The following AGBL4 variants were observed in gnomAD, a reference collection of about 807,000 sequenced individuals.
AGBL4 encodes the protein AGBL carboxypeptidase 4, also known as cytosolic carboxypeptidase 6.
A neutral mutation model predicts 66.4 loss-of-function variants in AGBL4; 58 were observed. The ratio of observed to expected loss-of-function variants is 0.87; its 90% CI spans 0.71 to 1.09. The LOEUF (loss-of-function observed/expected upper bound fraction) is 1.09. Ranked by LOEUF, AGBL4 falls within the 50% of genes least tolerant of loss-of-function variation. AGBL4 has a pLI of 0.00. For synonymous variants in AGBL4, 234 were observed against 222.9 expected (o/e 1.05, Z -0.44); for missense variants, 579 against 631.0 (o/e 0.92, Z 0.88).
intron 5 of AGBL4, among the ~76,000 whole-genome samples, chr1:48,932,676 T>C (rs1655127975): frequency 6.6e-6 from 1 of 152,188 alleles, no homozygotes; most frequent in African/African-American, 2.4e-5. Context: ...GGGCCAATCA[T>C]GGCATAGAGT....
At chr1:49,611,274 A>G (rs527390088) in intron 3 of AGBL4, among the ~76,000 whole-genome samples, 4 of 152,322 alleles carry the variant, frequency 2.6e-5, no homozygotes, top group Admixed American at 6.5e-5. Flanking sequence ...TGGGGCACTA[A>G]GCAAGGTGGA....
At chr1:49,935,606 C>A (rs1273932860) in intron 1 of AGBL4, among the ~76,000 whole-genome samples, 1 of 152,170 alleles carries the variant, frequency 6.6e-6, no homozygotes, top group Non-Finnish European at 1.5e-5. Context: ...CAGACTGACA[C>A]CTCACATGGC....
chr1:49,234,707 G>C (rs750903785), intron 4 of AGBL4, among the ~76,000 whole-genome samples: 2 of 152,064 alleles, frequency 1.3e-5, no homozygotes, highest in South Asian at 2.1e-4. Context: ...TAACCAATTT[G>C]TCTTGATTTT....
At chr1:48,564,610 C>T (rs1207259846) in intron 11 of AGBL4, among the ~76,000 whole-genome samples, 1 of 152,176 alleles carries the variant, frequency 6.6e-6, no homozygotes, top group Non-Finnish European at 1.5e-5. Context: ...CATCTCTTAA[C>T]CAGCATGTAT....
chr1:49,072,888 G>C (rs1221336940), intron 4 of AGBL4, among the ~76,000 whole-genome samples: 2 of 152,094 alleles, frequency 1.3e-5, no homozygotes, highest in Admixed American at 1.3e-4. Flanking sequence ...CCAATCAAAC[G>C]TAGATTTGGT....
chr1:49,921,228 T>A (rs529165208), intron 1 of AGBL4, among the ~76,000 whole-genome samples: 9 of 151,408 alleles, frequency 5.9e-5, no homozygotes, highest in African/African-American at 1.7e-4. Context: ...ACCCTAGAAC[T>A]CAAAGTATAA....
At chr1:50,002,402 C>A (rs1196134649) in intron 1 of AGBL4, among the ~76,000 whole-genome samples, 1 of 131,382 alleles carries the variant, frequency 7.6e-6, no homozygotes, top group East Asian at 2.1e-4. Context: ...CGGAGTCTCG[C>A]TCTGTCGCCC....
At chr1:49,854,713 A>T (rs1646391240) in intron 1 of AGBL4, among the ~76,000 whole-genome samples, 1 of 152,048 alleles carries the variant, frequency 6.6e-6, no homozygotes, top group Admixed American at 6.5e-5. Context: ...CCAGCAATAC[A>T]TCTGGACCCC....
chr1:49,474,986 G>T (rs1350508938), intron 3 of AGBL4, among the ~76,000 whole-genome samples: 1 of 151,974 alleles, frequency 6.6e-6, no homozygotes, highest in East Asian at 1.9e-4. Context: ...GAATAGTAGT[G>T]GTGAAAGTGG....
intron 3 of AGBL4, among the ~76,000 whole-genome samples, chr1:49,581,991 T>C (rs1005859982): frequency 6.6e-6 from 1 of 152,122 alleles, no homozygotes; most frequent in Admixed American, 6.6e-5. Context: ...CAGGGGGTTG[T>C]ATGAGCTGGT....
chr1:49,413,305 A>G (rs2148630053), intron 3 of AGBL4, among the ~76,000 whole-genome samples: 1 of 152,350 alleles, frequency 6.6e-6, no homozygotes, highest in Non-Finnish European at 1.5e-5. Flanking sequence ...TTCTGGGAAT[A>G]CAGTAATGAG....
chr1:49,342,064 T>A (rs1013838204), intron 3 of AGBL4, among the ~76,000 whole-genome samples: 1 of 152,136 alleles, frequency 6.6e-6, no homozygotes. Flanking sequence ...CTGGGTCTGA[T>A]CAGCAATGGG....
intron 5 of AGBL4, among the ~76,000 whole-genome samples, chr1:48,937,762 A>T (rs959495026): frequency 6.6e-6 from 1 of 152,232 alleles, no homozygotes; most frequent in African/African-American, 2.4e-5. Context: ...AGACTCAAAA[A>T]GCAGGCAACT....
chr1:48,526,502 A>C, the AGBL4 span, among the ~76,000 whole-genome samples: 1 of 152,192 alleles, frequency 6.6e-6, no homozygotes, highest in Non-Finnish European at 1.5e-5. Context: ...GCAGAACAGC[A>C]GTAACAGTAG....
At chr1:48,685,238 T>G (rs1203277448) in intron 6 of AGBL4, among the ~76,000 whole-genome samples, 1 of 152,256 alleles carries the variant, frequency 6.6e-6, no homozygotes, top group Non-Finnish European at 1.5e-5. Flanking sequence ...TTCTAAGTAT[T>G]GGAAACTAAC....
At chr1:48,781,779 C>T (rs754453385) in intron 6 of AGBL4, among the ~76,000 whole-genome samples, 21 of 152,218 alleles carry the variant, frequency 1.4e-4, no homozygotes, top group Admixed American at 4.6e-4. Context: ...AAGACTCTCA[C>T]GCCTGCCCTT....
At chr1:49,210,560 A>C (rs943204193) in intron 4 of AGBL4, among the ~76,000 whole-genome samples, 5 of 152,036 alleles carry the variant, frequency 3.3e-5, no homozygotes, top group African/African-American at 1.2e-4. Flanking sequence ...AGCTTTTGTA[A>C]TCTCAGGAGG....
chr1:48,718,167 T>C (rs577445979), intron 6 of AGBL4, among the ~76,000 whole-genome samples: 50 of 152,352 alleles, frequency 3.3e-4, no homozygotes, highest in African/African-American at 9.9e-4. Flanking sequence ...CCTCCAAATC[T>C]GGCCATAGTT....
chr1:48,696,243 C>T (rs553547935), intron 6 of AGBL4, among the ~76,000 whole-genome samples: 5 of 152,284 alleles, frequency 3.3e-5, no homozygotes, highest in Non-Finnish European at 5.9e-5. Context: ...CTCCACTTAC[C>T]CCCAAGAGGC....
Sources: gnomAD v4.1 joint callset for allele counts (sites outside exome capture counted in the v4.1 genomes callset) on GRCh38, gnomAD v4.1.1 for gene constraint, MANE v1.5 for transcripts, NCBI Gene and HGNC (gene_info 2026-07-23, HGNC 2026-07-21) for gene names.